The following USP13 variants were observed in gnomAD, a reference collection of about 807,000 sequenced individuals.
USP13 encodes ubiquitin specific peptidase 13, also known as ubiquitin carboxyl-terminal hydrolase 13.
In USP13, 68 loss-of-function variants were observed where a neutral mutation model predicts 107.8. The ratio of observed to expected loss-of-function variants is 0.63; its 90% confidence interval spans 0.52 to 0.77. The LOEUF is 0.77. USP13 is among the 30% of genes least tolerant of loss of function. The pLI, the probability that USP13 is intolerant of heterozygous loss-of-function variation, is 0.00. For synonymous variants in USP13, 377 were observed against 389.5 expected (o/e 0.97, Z 0.38); for missense variants, 945 against 1,093.3 (o/e 0.86, Z 1.91).
At chr3:179,656,232 T>C (rs1199855159) in intron 1 of USP13, among the ~76,000 whole-genome samples, 1 of 152,252 alleles carries the variant, frequency 6.6e-6, no homozygotes, top group African/African-American at 2.4e-5. Flanking sequence ...ATTTGGCAAG[T>C]AGCAAGAAGT....
At chr3:179,740,734 A>G (rs1714162765) in intron 11 of USP13, among the ~76,000 whole-genome samples, 1 of 151,146 alleles carries the variant, frequency 6.6e-6, no homozygotes, top group East Asian at 1.9e-4. Flanking sequence ...AAAGATGATG[A>G]GTCTGCTTAC....
In USP13 at chr3:179,653,497, C is replaced by G. The variant is rs994918985; in HGVS notation, c.168+104C>G. The stretch of plus-strand genomic sequence containing the variant: ...GCGGCCGGGACCTCTTCTCTTCCTC[C>G]GGGCGGCAGAGTTGGCTCAGGAACA... On this transcript the variant is annotated intron_variant, in intron 1 of 20. Transcript: ENST00000263966. This position sits in a 1 kb window ranked among gnomAD's most constrained non-coding sequence, Gnocchi z 4.0. The G allele has an allele frequency of 4.8e-6, 7 of 1,451,776 alleles. No homozygotes were observed. The highest frequency in any genetic ancestry group is 2.6e-5 in the East Asian group (1 of 38,732). The allele number at this position is 1,451,776 out of a possible 1,614,324, so 89.9% of individuals were successfully genotyped here. A position where few individuals can be genotyped will look rare whatever the true frequency, so the allele number is the denominator to read the frequency against.
chr3:179,728,073 C>T (rs1274690939), intron 8 of USP13, among the ~76,000 whole-genome samples: 86 of 75,088 alleles, frequency 1.1e-3, no homozygotes, highest in African/African-American at 3.2e-3. Flanking sequence ...GGGCGGGGGG[C>T]TGACCCCCCC....
At chr3:179,682,062 T>C in intron 2 of USP13, 59 bp downstream of exon 2, 1 of 1,536,726 alleles carries the variant, frequency 6.5e-7, no homozygotes, top group Non-Finnish European at 8.8e-7. Flanking sequence ...GTTGTCTCAG[T>C]GTGCTTTCTC....
Position 179,653,557 on chromosome 3 carries a change from GGCT to G in USP13, c.168+170_168+172del. ...GGCAGACACTTAGTGAGCGCCCCAG[GGCT>G]GCTGCAGCCGAGGACTGGCTCGTGC... On this transcript the variant is annotated intron_variant, in intron 1 of 20. Coordinates refer to ENST00000263966, the MANE Select transcript of USP13 (RefSeq NM_003940.3). This position sits in a 1 kb window ranked among gnomAD's most constrained non-coding sequence, Gnocchi z 4.0. 1.0e-6 allele frequency: 1 copy of G among 989,004 alleles called. No individual in the cohort carries two copies. Among genetic ancestry groups the G allele is most frequent in the Non-Finnish European group, 1.4e-6 (1 of 696,410 alleles). 61.3% of individuals were successfully genotyped at this position (989,004 alleles called of 1,614,324 possible). A position where few individuals can be genotyped will look rare whatever the true frequency, so the allele number is the denominator to read the frequency against.
At chr3:179,655,151 T>G (rs1400632497) in intron 1 of USP13, among the ~76,000 whole-genome samples, 1 of 152,118 alleles carries the variant, frequency 6.6e-6, no homozygotes, top group Non-Finnish European at 1.5e-5. Context: ...GTGGCCTAAG[T>G]TTTTTAGGAT....
At chr3:179,754,905 AG>A in intron 15 of USP13, 51 bp downstream of exon 15, 1 of 1,537,102 alleles carries the variant, frequency 6.5e-7, no homozygotes, top group Non-Finnish European at 8.8e-7. Context: ...CCTGTTCTAT[AG>A]GAACAGTCTC....
chr3:179,773,943 T>C (rs1328729191), intron 19 of USP13, among the ~76,000 whole-genome samples: 1 of 152,078 alleles, frequency 6.6e-6, no homozygotes, highest in East Asian at 1.9e-4. Context: ...TAATCAGTAG[T>C]GTGTTAGTAG....
At chr3:179,761,921 C>T (rs1020112253) in intron 17 of USP13, among the ~76,000 whole-genome samples, 1 of 152,126 alleles carries the variant, frequency 6.6e-6, no homozygotes, top group Non-Finnish European at 1.5e-5. Flanking sequence ...TTAGCTTTTT[C>T]TTTTATCTAC....
At chr3:179,729,068 T>C (rs1212388236) in intron 8 of USP13, among the ~76,000 whole-genome samples, 1 of 152,048 alleles carries the variant, frequency 6.6e-6, no homozygotes, top group East Asian at 1.9e-4. Flanking sequence ...AGGCAGACTT[T>C]ATTCAAGGGG....
chr3:179,685,631 TAAAA>T (rs562421751), intron 2 of USP13, among the ~76,000 whole-genome samples: 2 of 103,524 alleles, frequency 1.9e-5, no homozygotes, highest in African/African-American at 7.2e-5. Context: ...TTTAGAAAAC[TAAAA>T]AAAAAAAAAA....
At position 179,688,079 on chromosome 3, in the gene USP13, A is replaced by ATCCATCCATCCATCCGTCCG. The variant is rs1560049148; in HGVS notation, c.295-2147_295-2146insGTCCGTCCATCCATCCATCC. ...CTGTTTTACTCCCTGTAATCAGGAT[A>ATCCATCCATCCATCCGTCCG]TCCATCCATCCATCCATCCGTCCAT... On this transcript the variant is annotated intron_variant, in intron 2 of 20. Transcript: ENST00000263966. Among the ~76,000 whole-genome samples the ATCCATCCATCCATCCGTCCG allele has an allele frequency of 6.5e-3, 933 of 142,792 alleles. 13 individuals are homozygous for ATCCATCCATCCATCCGTCCG. The highest frequency in any genetic ancestry group is 0.023 in the African/African-American group (844 of 36,234). 93.7% of individuals were successfully genotyped at this position (142,792 alleles called of 152,430 possible). A position where few individuals can be genotyped will look rare whatever the true frequency, so the allele number is the denominator to read the frequency against.
Position 179,657,656 on chromosome 3 carries a change from C to T in USP13, c.168+4263C>T, listed in dbSNP as rs371643978. Among the ~76,000 whole-genome samples the T allele has an allele frequency of 7.3e-3, 1,014 of 138,940 alleles. 12 individuals carry two copies. The highest frequency in any genetic ancestry group is 0.018 in the Middle Eastern group (4 of 226). The allele number at this position is 138,940 out of a possible 152,430, so 91.2% of individuals were successfully genotyped here. A position where few individuals can be genotyped will look rare whatever the true frequency, so the allele number is the denominator to read the frequency against. On this transcript the variant is annotated intron_variant, in intron 1 of 20. Transcript: ENST00000263966. ...GCACGCACCTGTAGTCCCAGCTACTCGGGAGGCTGAGGCAGGAGAATCGCT... is the reference window on the plus strand; with the variant it reads ...GCACGCACCTGTAGTCCCAGCTACTTGGGAGGCTGAGGCAGGAGAATCGCT...
intron 1 of USP13, among the ~76,000 whole-genome samples, chr3:179,680,980 T>C (rs771019123): frequency 1.0e-5 from 1 of 97,770 alleles, no homozygotes. Flanking sequence ...GGAAGAACGA[T>C]AATAAAATAT....
intron 9 of USP13, 35 bp from the exon 10 acceptor site, chr3:179,730,578 CAAT>C: frequency 2.0e-6 from 3 of 1,536,762 alleles, no homozygotes; most frequent in Non-Finnish European, 2.7e-6. Context: ...GGAAAAACAA[CAAT>C]GACCTTTTTG....
At chr3:179,780,009 A>G (rs1223724408) in intron 19 of USP13, among the ~76,000 whole-genome samples, 1 of 152,200 alleles carries the variant, frequency 6.6e-6, no homozygotes, top group East Asian at 1.9e-4. Flanking sequence ...GGAAGAATGG[A>G]ATTGCCATTG....
intron 19 of USP13, among the ~76,000 whole-genome samples, chr3:179,780,940 G>A (rs1290347464): frequency 1.3e-5 from 2 of 152,162 alleles, no homozygotes; most frequent in East Asian, 1.9e-4. Flanking sequence ...TCTTGTAAAT[G>A]TGTTCTCTCA....
At chr3:179,761,414 C>CT (rs59210034) in intron 17 of USP13, among the ~76,000 whole-genome samples, 159 bp downstream of exon 17, 10,592 of 147,808 alleles carry the variant, frequency 0.072, 876 homozygotes, top group African/African-American at 0.2. Context: ...TTTTCTTCTT[C>CT]TTTTTTTTTT....
chr3:179,776,509 T>A (rs1459768217), intron 19 of USP13, among the ~76,000 whole-genome samples: 1 of 152,086 alleles, frequency 6.6e-6, no homozygotes, highest in African/African-American at 2.4e-5. Context: ...TGTTAAAAAA[T>A]CTTCTTCTTA....
Sources: gnomAD v4.1 joint callset for allele counts (sites outside exome capture counted in the v4.1 genomes callset) on GRCh38, gnomAD v4.1.1 for gene constraint, Gnocchi (gnomAD v3.1) non-coding constraint, MANE v1.5 for transcripts, NCBI Gene and HGNC (gene_info 2026-07-23, HGNC 2026-07-21) for gene names.